The following ST6GALNAC3 variants were observed in gnomAD, a reference collection of about 807,000 sequenced individuals.
ST6GALNAC3 encodes the protein ST6 N-acetylgalactosaminide alpha-2,6-sialyltransferase 3.
Under a neutral mutation model 32.7 loss-of-function variants are expected in ST6GALNAC3, and 25 were observed. The observed-to-expected ratio is 0.76, with a 90% CI of 0.56 to 1.07. The LOEUF (loss-of-function observed/expected upper bound fraction) is 1.07. Ranked by LOEUF, ST6GALNAC3 falls within the 50% of genes least tolerant of loss-of-function variation. ST6GALNAC3 has a pLI of 0.00. For synonymous variants in ST6GALNAC3, 129 were observed against 133.1 expected (o/e 0.97, Z 0.21); for missense variants, 355 against 382.4 (o/e 0.93, Z 0.60).
At chr1:76,187,993 C>A (rs1007519838) in intron 1 of ST6GALNAC3, among the ~76,000 whole-genome samples, 1 of 151,774 alleles carries the variant, frequency 6.6e-6, no homozygotes, top group Non-Finnish European at 1.5e-5. Context: ...TAATGTGGAA[C>A]TCAGAACCTG....
intron 1 of ST6GALNAC3, among the ~76,000 whole-genome samples, chr1:76,152,145 G>A (rs2706183): frequency 0.14 from 20,567 of 152,136 alleles, 1,548 homozygotes; most frequent in African/African-American, 0.19. Flanking sequence ...GAATGGCTGA[G>A]CGTGTAAATA....
rs183498782 is a variant in ST6GALNAC3 at position 76,381,280 on chromosome 1, C to A, written c.214-30728C>A. Among the ~76,000 whole-genome samples, 1,473 of 149,570 alleles carry A rather than the reference C, an allele frequency of 9.8e-3. 17 individuals are homozygous for A. The highest frequency in any genetic ancestry group is 0.034 in the African/African-American group (1,390 of 40,914). On this transcript the variant is annotated intron_variant, in intron 2 of 4. Transcript: ENST00000328299. ...AAATCTAGCAAATACAGCCATCTAA[C>A]CAAAAGGCAGTATTACCATCCTTGC...
In ST6GALNAC3 at chr1:76,236,012, G is replaced by A. The variant is rs1410983670; in HGVS notation, c.19-77793G>A. Among the ~76,000 whole-genome samples the A allele has an allele frequency of 2.0e-5, 3 of 151,940 alleles. No homozygotes were observed. The East Asian group carries it at 5.8e-4, about 29-fold the overall frequency. ...TTGTTTTTAGACAGAGTCCCACTCTGTTGCCCAGGCTGGAGTGCAAGGATG... is the reference window on the plus strand; with the variant it reads ...TTGTTTTTAGACAGAGTCCCACTCTATTGCCCAGGCTGGAGTGCAAGGATG... On this transcript the variant is annotated intron_variant, in intron 1 of 4. Transcript: ENST00000328299.
At chr1:76,127,048 T>A (rs565182249) in intron 1 of ST6GALNAC3, among the ~76,000 whole-genome samples, 1 of 152,348 alleles carries the variant, frequency 6.6e-6, no homozygotes, top group Admixed American at 6.5e-5. Context: ...TGCAGTGATC[T>A]TTTAAAAGGG....
intron 3 of ST6GALNAC3, among the ~76,000 whole-genome samples, chr1:76,512,715 C>T (rs1399834438): frequency 6.6e-6 from 1 of 152,148 alleles, no homozygotes; most frequent in Non-Finnish European, 1.5e-5. Context: ...CTCTCTCTAT[C>T]CTCCCTTCTT....
chr1:76,230,556 C>T (rs1348860705), intron 1 of ST6GALNAC3, among the ~76,000 whole-genome samples: 1 of 151,994 alleles, frequency 6.6e-6, no homozygotes, highest in African/African-American at 2.4e-5. Context: ...TTAGGTAAGT[C>T]TACTGAATTG....
intron 3 of ST6GALNAC3, chr1:76,577,237 T>C (rs1207042764): frequency 9.9e-7 from 1 of 1,011,008 alleles, no homozygotes; most frequent in Non-Finnish European, 1.2e-6. Flanking sequence ...TCTGTTTTGA[T>C]TACAGGACTA....
intron 1 of ST6GALNAC3, among the ~76,000 whole-genome samples, chr1:76,207,653 T>G (rs1654895541): frequency 6.6e-6 from 1 of 152,170 alleles, no homozygotes; most frequent in African/African-American, 2.4e-5. Context: ...ATTTATGAGG[T>G]CTCTGGTCTC....
At chr1:76,453,252 G>C (rs1287623515) in intron 3 of ST6GALNAC3, among the ~76,000 whole-genome samples, 3 of 151,400 alleles carry the variant, frequency 2.0e-5, no homozygotes, top group Non-Finnish European at 2.9e-5. Context: ...TTTATCTTTT[G>C]TATTTTTTTT....
intron 1 of ST6GALNAC3, among the ~76,000 whole-genome samples, chr1:76,081,609 C>A (rs1216990641): frequency 6.6e-6 from 1 of 152,084 alleles, no homozygotes; most frequent in Admixed American, 6.5e-5. Context: ...ACTAGAGGGG[C>A]TGCAAAGACT....
chr1:76,316,686 A>G (rs976939055), intron 2 of ST6GALNAC3, among the ~76,000 whole-genome samples: 2 of 152,100 alleles, frequency 1.3e-5, no homozygotes, highest in African/African-American at 4.8e-5. Context: ...CTGGGGATTT[A>G]GCAATATACT....
intron 1 of ST6GALNAC3, among the ~76,000 whole-genome samples, chr1:76,157,167 A>C (rs1309899707): frequency 6.6e-6 from 1 of 152,122 alleles, no homozygotes; most frequent in Non-Finnish European, 1.5e-5. Context: ...CAATCTATAG[A>C]TGCCTATCTA....
At position 76,627,458 on chromosome 1, in the gene ST6GALNAC3, G is replaced by C. The variant is rs1407922024; in HGVS notation, c.630G>C (p.Gln210His). 1 of 1,609,250 alleles carries C rather than the reference G, an allele frequency of 6.2e-7. No homozygotes were observed. Among genetic ancestry groups the C allele is most frequent in the Admixed American group, 1.7e-5 (1 of 59,866 alleles). ...FKKETGKDRV[Q>H]SGSYLSTGWF... ...TTGTTTTCATTTCCCTCAGAGTCCA[G>C]TCTGGCTCATATCTCAGCACAGGGT... Residue 210 changes from glutamine to histidine, a missense_variant, in exon 4 of 5, where the codon CAG becomes CAC. Coordinates refer to ENST00000328299, the MANE Select transcript of ST6GALNAC3 (RefSeq NM_152996.4).
intron 1 of ST6GALNAC3, among the ~76,000 whole-genome samples, chr1:76,285,385 G>GGTGTGTGTGTGTGTGT (rs140357874): frequency 0.04 from 5,930 of 148,380 alleles, 149 homozygotes; most frequent in East Asian, 0.1. Flanking sequence ...TCGGGAGGAT[G>GGTGTGTGTGTGTGTGT]GTGTGTGTGT....
At chr1:76,469,661 T>C (rs1236074256) in intron 3 of ST6GALNAC3, among the ~76,000 whole-genome samples, 1 of 152,084 alleles carries the variant, frequency 6.6e-6, no homozygotes, top group Non-Finnish European at 1.5e-5. Flanking sequence ...CCAACCAGTC[T>C]AATGACAGGT....
intron 1 of ST6GALNAC3, among the ~76,000 whole-genome samples, chr1:76,201,010 A>G (rs1335963186): frequency 6.6e-6 from 1 of 152,188 alleles, no homozygotes; most frequent in Non-Finnish European, 1.5e-5. Context: ...TCCTCTGTTC[A>G]TAGGATAGTA....
chr1:76,156,888 C>T lies in ST6GALNAC3; in HGVS notation c.18+82004C>T, dbSNP rs570426610. Among the ~76,000 whole-genome samples the T allele has an allele frequency of 1.9e-4, 29 of 152,302 alleles. No homozygotes were observed. The East Asian group carries it at 4.8e-3, about 25-fold the overall frequency. ...CTGGGACTACAGGCGCCCGCCACCA[C>T]GCCCGGCTAATTTTTTGTCTTTTTA... On this transcript the variant is annotated intron_variant, in intron 1 of 4. Coordinates refer to ENST00000328299, the MANE Select transcript of ST6GALNAC3 (RefSeq NM_152996.4).
chr1:76,087,939 C>G (rs1646986366), intron 1 of ST6GALNAC3, among the ~76,000 whole-genome samples: 2 of 152,266 alleles, frequency 1.3e-5, no homozygotes, highest in Admixed American at 1.3e-4. Context: ...TATTAGAAAT[C>G]TATTTTATCT....
chr1:76,379,002 A>T (rs867119625), intron 2 of ST6GALNAC3, among the ~76,000 whole-genome samples: 1 of 152,122 alleles, frequency 6.6e-6, no homozygotes, highest in South Asian at 2.1e-4. Flanking sequence ...GCGGCAAGTG[A>T]TTCTCCTGCC....
Sources: gnomAD v4.1 joint callset for allele counts (sites outside exome capture counted in the v4.1 genomes callset) on GRCh38, gnomAD v4.1.1 for gene constraint, MANE v1.5 for transcripts, NCBI Gene and HGNC (gene_info 2026-07-23, HGNC 2026-07-21) for gene names.